The following MAP3K14 variants were observed in gnomAD, a reference collection of about 807,000 sequenced individuals.
MAP3K14 encodes mitogen-activated protein kinase kinase kinase 14.
MAP3K14 carries 16 observed loss-of-function variants against 99.2 expected under a neutral mutation model. The observed-to-expected ratio is 0.16, with a 90% confidence interval of 0.11 to 0.24. The LOEUF is 0.24. Among genes scored for constraint, MAP3K14 ranks in the 10% least tolerant of loss-of-function variants. The pLI, the probability that MAP3K14 is intolerant of heterozygous loss-of-function variation, is 1.00. For missense variants in MAP3K14, 784 were observed against 1,208.7 expected, an observed-to-expected ratio of 0.65 and a Z score of 5.21; for synonymous variants, 462 against 492.4, an observed-to-expected ratio of 0.94 and a Z score of 0.82.
At position 45,275,494 on chromosome 17, in the gene MAP3K14, A is replaced by C. The variant is rs761800080; in HGVS notation, c.1291-901T>G. Among the ~76,000 whole-genome samples the C allele has an allele frequency of 6.1e-4, 49 of 79,816 alleles. 1 individual carries two copies. Among genetic ancestry groups the C allele is most frequent in the African/African-American group, 1.7e-3 (26 of 15,102 alleles). The allele number at this position is 79,816 out of a possible 152,430, so 52.4% of individuals were successfully genotyped here. A position where few individuals can be genotyped will look rare whatever the true frequency, so the allele number is the denominator to read the frequency against. On this transcript the variant is annotated intron_variant, in intron 6 of 15. Coordinates refer to ENST00000344686, the MANE Select transcript of MAP3K14 (RefSeq NM_003954.5). Reference sequence around the variant, plus strand: ...TGAGACTCCATCTCAAAAAAAAAAAACAAAAAAAAACCCACAAAAAAACAA... The same window carrying C: ...TGAGACTCCATCTCAAAAAAAAAAACCAAAAAAAAACCCACAAAAAAACAA...
intron 6 of MAP3K14, among the ~76,000 whole-genome samples, chr17:45,275,760 CTTTT>C (rs369154222): frequency 4.0e-5 from 5 of 123,536 alleles, no homozygotes; most frequent in Admixed American, 8.2e-5. Flanking sequence ...CTTTTCTTTT[CTTTT>C]TTTTTTTTTT....
chr17:45,274,333 C>T, intron 7 of MAP3K14, 79 bp from the exon 8 acceptor site: 1 of 1,570,340 alleles, frequency 6.4e-7, no homozygotes, highest in Non-Finnish European at 8.7e-7. Flanking sequence ...ACAGGGCAGG[C>T]AGTGGAAAGC....
At chr17:45,297,771 G>A (rs555752031) in intron 1 of MAP3K14, among the ~76,000 whole-genome samples, 72 of 143,528 alleles carry the variant, frequency 5.0e-4, no homozygotes, top group African/African-American at 1.8e-3. Flanking sequence ...CCAGGCTAGA[G>A]TGCAGTGGCA....
At position 45,290,566 on chromosome 17, in the gene MAP3K14, G is replaced by A. The variant is rs748853971; in HGVS notation, c.180C>T (p.Asp60=). Residue 60 remains aspartate, a synonymous_variant, in exon 2 of 16, where the codon GAC becomes GAT. Coordinates refer to ENST00000344686, the MANE Select transcript of MAP3K14 (RefSeq NM_003954.5). The part of the protein sequence containing the change: ...VFCGKWEILN[D]VITKGTAKEG... ...CCTTGGCTGTGCCCTTGGTAATCACGTCATTCAGGATCTCCCACTTTCCGC... is the reference window on the plus strand; with the variant it reads ...CCTTGGCTGTGCCCTTGGTAATCACATCATTCAGGATCTCCCACTTTCCGC... 38 of 1,613,814 alleles carry A rather than the reference G, an allele frequency of 2.4e-5. 2 individuals carry two copies. The East Asian group carries it at 7.8e-4, about 33-fold the overall frequency.
chr17:45,305,447 G>C (rs1481035575), intron 1 of MAP3K14, among the ~76,000 whole-genome samples: 1 of 149,052 alleles, frequency 6.7e-6, no homozygotes, highest in East Asian at 2.0e-4. Context: ...CCAGGCTGGA[G>C]TGCAGTGGTG....
chr17:45,312,740 C>T (rs549983989), intron 1 of MAP3K14, among the ~76,000 whole-genome samples: 1 of 152,230 alleles, frequency 6.6e-6, no homozygotes. Context: ...ATCTGCAAGT[C>T]CTTGACTGCA....
intron 1 of MAP3K14, among the ~76,000 whole-genome samples, chr17:45,309,807 C>T (rs551141156): frequency 3.9e-5 from 6 of 152,278 alleles, no homozygotes; most frequent in South Asian, 2.1e-4. Context: ...GAGAAGATAA[C>T]CCTTCTGAAC....
At chr17:45,310,410 GC>G (rs2044465485) in intron 1 of MAP3K14, among the ~76,000 whole-genome samples, 1 of 152,094 alleles carries the variant, frequency 6.6e-6, no homozygotes, top group South Asian at 2.1e-4. Context: ...AACCCTCCTG[GC>G]TATCCCTAGT....
chr17:45,281,343 C>CT lies in MAP3K14; in HGVS notation c.1290+3468dup, dbSNP rs1205003546. Among the ~76,000 whole-genome samples, 791 of 137,214 alleles carry CT rather than the reference C, an allele frequency of 5.8e-3. 10 individuals carry two copies. The highest frequency in any genetic ancestry group is 0.013 in the African/African-American group (502 of 37,492). The allele number at this position is 137,214 out of a possible 152,430, so 90.0% of individuals were successfully genotyped here. ...ATAAGTGCCGCACCGCCTGATCTTT[C>CT]TTTTTTTTTTTTTTTTTGAGGCAGA... On this transcript the variant is annotated intron_variant, in intron 6 of 15. Coordinates refer to ENST00000344686, the MANE Select transcript of MAP3K14 (RefSeq NM_003954.5).
chr17:45,286,554 GC>G lies in MAP3K14; in HGVS notation c.1028del (p.Gly343AlafsTer3). 6.2e-7 allele frequency: 1 copy of G among 1,610,798 alleles called. No homozygotes were observed. The highest frequency in any genetic ancestry group is 8.5e-7 in the Non-Finnish European group (1 of 1,178,758). Reference protein sequence around the residue: ...VEEYLVHALQGSVSSGQAHSL... With the variant: ...VEEYLVHALQXSVSSGQAHSL... ...TGTGGGCCTGGCCTGAGCTCACGCTGCCTTGCAGAGCATGCACTAGGTATTC... is the reference window on the plus strand; with the variant it reads ...TGTGGGCCTGGCCTGAGCTCACGCTGCTTGCAGAGCATGCACTAGGTATTC... On this transcript the variant is annotated frameshift_variant, in exon 5 of 16. Coordinates refer to ENST00000344686, the MANE Select transcript of MAP3K14 (RefSeq NM_003954.5). LOFTEE classifies it high-confidence loss of function. The surrounding 1 kb of genome is among the most constrained non-coding windows in gnomAD (Gnocchi z 4.1).
intron 11 of MAP3K14, among the ~76,000 whole-genome samples, chr17:45,269,647 C>G (rs1189389082): frequency 6.6e-6 from 1 of 152,112 alleles, no homozygotes; most frequent in Non-Finnish European, 1.5e-5. Flanking sequence ...TTCAATCATG[C>G]CTACGTAATG....
intron 1 of MAP3K14, among the ~76,000 whole-genome samples, chr17:45,295,487 GC>G (rs756126569): frequency 2.6e-4 from 40 of 152,252 alleles, no homozygotes; most frequent in Middle Eastern, 6.8e-3. Flanking sequence ...TGAGAATGTA[GC>G]CCATCTGTCA....
intron 1 of MAP3K14, among the ~76,000 whole-genome samples, chr17:45,315,955 C>G (rs1043813419): frequency 3.3e-5 from 5 of 152,154 alleles, no homozygotes; most frequent in African/African-American, 1.2e-4. Context: ...AAGGGGTTTC[C>G]AACATTTTTC....
chr17:45,264,752 G>T lies in MAP3K14; in HGVS notation c.2728C>A (p.Arg910Ser). 6.2e-7 allele frequency: 1 copy of T among 1,613,390 alleles called. No homozygotes were observed. Among genetic ancestry groups the T allele is most frequent in the Non-Finnish European group, 8.5e-7 (1 of 1,179,700 alleles). ...GAGTCTGGCACCTCCATGTCGTAGC[G>T]AACAGGCTGCCCGTCTTTGGTGACC... ...SLVTKDGQPV[R>S]YDMEVPDSGI... The change falls in exon 16 of 16, where the codon CGC (arginine) becomes AGC (serine). Residue 910 changes from arginine (R) to serine (S), a missense_variant. This residue lies in a region of MAP3K14 where 130 missense variants were observed against 220.4 expected (regional missense o/e 0.59). Coordinates refer to ENST00000344686, the MANE Select transcript of MAP3K14 (RefSeq NM_003954.5).
At chr17:45,279,128 C>G (rs1165797966) in intron 6 of MAP3K14, among the ~76,000 whole-genome samples, 2 of 152,178 alleles carry the variant, frequency 1.3e-5, no homozygotes, top group Non-Finnish European at 2.9e-5. Context: ...CTCTTGTTTT[C>G]TTTGGTATTC....
At chr17:45,302,468 C>T (rs1169410626) in intron 1 of MAP3K14, among the ~76,000 whole-genome samples, 1 of 151,992 alleles carries the variant, frequency 6.6e-6, no homozygotes, top group Admixed American at 6.6e-5. Flanking sequence ...CCACCACACC[C>T]GGCTAATTTT....
chr17:45,310,117 TCC>T (rs2044462328), intron 1 of MAP3K14, among the ~76,000 whole-genome samples: 2 of 139,742 alleles, frequency 1.4e-5, no homozygotes, highest in Admixed American at 1.6e-4. Flanking sequence ...CACTGCAACC[TCC>T]ACCTCCCAGG....
intron 1 of MAP3K14, among the ~76,000 whole-genome samples, chr17:45,297,256 G>A (rs1443885577): frequency 6.6e-6 from 1 of 152,106 alleles, no homozygotes; most frequent in Non-Finnish European, 1.5e-5. Context: ...GAACATCCAG[G>A]AACTGAGCAG....
intron 1 of MAP3K14, among the ~76,000 whole-genome samples, chr17:45,316,306 T>C (rs886264155): frequency 1.3e-5 from 2 of 152,232 alleles, no homozygotes; most frequent in Non-Finnish European, 2.9e-5. Context: ...GGCTGCAAGA[T>C]GCCAGGGCCA....
Sources: gnomAD v4.1 joint callset for allele counts (sites outside exome capture counted in the v4.1 genomes callset) on GRCh38, gnomAD v4.1.1 for gene constraint, gnomAD v4.1.1 regional missense constraint, Gnocchi (gnomAD v3.1) non-coding constraint, MANE v1.5 for transcripts, NCBI Gene and HGNC (gene_info 2026-07-23, HGNC 2026-07-21) for gene names.